Variants in GABRB2 observed in about 807,000 individuals in gnomAD.
The protein encoded by GABRB2 is gamma-aminobutyric acid type A receptor subunit beta2.
GABRB2 carries 16 observed loss-of-function variants against 54.7 expected under a neutral mutation model. The observed-to-expected ratio is 0.29, with a 90% CI of 0.20 to 0.44. The LOEUF (loss-of-function observed/expected upper bound fraction) is 0.44, where lower values mean the gene tolerates loss of function less well. Ranked by LOEUF, GABRB2 falls within the 20% of genes least tolerant of loss-of-function variation. The pLI, the probability that GABRB2 is intolerant of heterozygous loss-of-function variation, is 1.00. For missense variants in GABRB2, 355 were observed against 644.0 expected, an observed-to-expected ratio of 0.55 and a Z score of 4.86; for synonymous variants, 244 against 233.8, an observed-to-expected ratio of 1.04 and a Z score of -0.40.
chr5:161,405,868 T>C (rs1756335784), intron 5 of GABRB2, among the ~76,000 whole-genome samples: 1 of 152,008 alleles, frequency 6.6e-6, no homozygotes, highest in Non-Finnish European at 1.5e-5. Flanking sequence ...TGATTTAGAA[T>C]AAAATTGTTG....
chr5:161,354,456 T>A (rs1754559165), intron 5 of GABRB2, among the ~76,000 whole-genome samples: 1 of 151,996 alleles, frequency 6.6e-6, no homozygotes, highest in Non-Finnish European at 1.5e-5. Flanking sequence ...CACAACCGCA[T>A]CCCAAAAGAA....
At chr5:161,361,963 G>T (rs1223728377) in intron 5 of GABRB2, among the ~76,000 whole-genome samples, 1 of 152,162 alleles carries the variant, frequency 6.6e-6, no homozygotes, top group Non-Finnish European at 1.5e-5. Context: ...TAAGGTGTAA[G>T]GTAGGGGTCC....
At chr5:161,372,800 C>T (rs993242502) in intron 5 of GABRB2, among the ~76,000 whole-genome samples, 3 of 151,966 alleles carry the variant, frequency 2.0e-5, no homozygotes, top group Admixed American at 2.0e-4. Flanking sequence ...ATTAAAGGAC[C>T]AGTTATGAAA....
intron 4 of GABRB2, among the ~76,000 whole-genome samples, chr5:161,453,344 G>A (rs1385074991): frequency 1.3e-5 from 2 of 152,202 alleles, no homozygotes; most frequent in Admixed American, 1.3e-4. Context: ...TCTTGTGATT[G>A]TCTGTGTCCC....
rs1213931031 is a variant in GABRB2, at chr5:161,290,626, GTATGTT to G, written c.*3449_*3454del. 2 of 152,504 alleles carry G rather than the reference GTATGTT, an allele frequency of 1.3e-5. No homozygotes were observed. The highest frequency in any genetic ancestry group is 2.4e-5 in the African/African-American group (1 of 41,426). 9.4% of individuals were successfully genotyped at this position (152,504 alleles called of 1,614,324 possible). On this transcript the variant is annotated 3_prime_UTR_variant, in exon 10 of 10. Coordinates refer to ENST00000393959, the MANE Select transcript of GABRB2 (RefSeq NM_001371727.1). ...AACATATGAATGCATATATATGTAT[GTATGTT>G]TATATGAATCTATATATACACATAT...
intron 3 of GABRB2, among the ~76,000 whole-genome samples, chr5:161,472,668 C>A (rs559415376): frequency 6.6e-6 from 1 of 151,818 alleles, no homozygotes; most frequent in Non-Finnish European, 1.5e-5. Context: ...TAAAGCATCC[C>A]TAGTTTTGGC....
At chr5:161,374,250 T>C (rs1755219299) in intron 5 of GABRB2, among the ~76,000 whole-genome samples, 1 of 152,166 alleles carries the variant, frequency 6.6e-6, no homozygotes, top group South Asian at 2.1e-4. Context: ...GGCCCCAGTC[T>C]TCTCTTTTGA....
intron 5 of GABRB2, among the ~76,000 whole-genome samples, chr5:161,384,808 T>A (rs1424649036): frequency 6.6e-6 from 1 of 152,188 alleles, no homozygotes; most frequent in Non-Finnish European, 1.5e-5. Context: ...GCTTTCCTTA[T>A]ATAGGTATAT....
rs578079948 is a variant in GABRB2, at chr5:161,476,675, G to A, written c.238-16831C>T. Among the ~76,000 whole-genome samples, 9 of 151,894 alleles carry A rather than the reference G, an allele frequency of 5.9e-5. No individual in the cohort carries two copies. The South Asian group carries it at 1.9e-3, about 31-fold the overall frequency. Reference sequence around the variant, plus strand: ...AAATGCTCTTAAGCAAGGGTGCCAAGACTACCCAATAAAGATGAGACAGTG... The same window carrying A: ...AAATGCTCTTAAGCAAGGGTGCCAAAACTACCCAATAAAGATGAGACAGTG... On this transcript the variant is annotated intron_variant, in intron 3 of 9. Transcript: ENST00000393959.
intron 4 of GABRB2, among the ~76,000 whole-genome samples, chr5:161,418,248 A>G (rs1288394191): frequency 6.6e-6 from 1 of 152,206 alleles, no homozygotes; most frequent in African/African-American, 2.4e-5. Context: ...ATAGATATAG[A>G]TACATCAGCC....
intron 5 of GABRB2, among the ~76,000 whole-genome samples, chr5:161,351,127 T>A (rs113089491): frequency 0.024 from 3,664 of 152,198 alleles, 148 homozygotes; most frequent in African/African-American, 0.082. Context: ...TATTAAAATG[T>A]TCATATTACA....
intron 3 of GABRB2, among the ~76,000 whole-genome samples, chr5:161,474,345 A>G (rs1238117420): frequency 1.3e-5 from 2 of 151,784 alleles, no homozygotes; most frequent in African/African-American, 2.4e-5. Context: ...TCAGAAATTG[A>G]CTCATTACAA....
intron 4 of GABRB2, among the ~76,000 whole-genome samples, chr5:161,411,545 A>G (rs187011605): frequency 5.4e-4 from 83 of 152,320 alleles, no homozygotes; most frequent in Admixed American, 1.4e-3. Flanking sequence ...GTGCTTTAAT[A>G]TAACACACAA....
At chr5:161,409,554 T>G (rs1204164227) in intron 5 of GABRB2, among the ~76,000 whole-genome samples, 2 of 152,248 alleles carry the variant, frequency 1.3e-5, no homozygotes, top group South Asian at 4.1e-4. Context: ...CTGTGATTAT[T>G]TGATATCCCA....
intron 3 of GABRB2, among the ~76,000 whole-genome samples, chr5:161,518,653 T>C (rs545049802): frequency 6.6e-6 from 1 of 152,330 alleles, no homozygotes; most frequent in South Asian, 2.1e-4. Flanking sequence ...GCATCCTGCA[T>C]AAGTCAAAGA....
At chr5:161,307,107 G>C (rs549167739) in intron 9 of GABRB2, among the ~76,000 whole-genome samples, 1 of 152,256 alleles carries the variant, frequency 6.6e-6, no homozygotes, top group African/African-American at 2.4e-5. Context: ...ATATAATTGA[G>C]AGGAGGATGA....
intron 3 of GABRB2, among the ~76,000 whole-genome samples, chr5:161,498,936 C>T (rs1759340219): frequency 6.6e-6 from 1 of 152,304 alleles, no homozygotes; most frequent in African/African-American, 2.4e-5. Flanking sequence ...GCTAAACCGT[C>T]ACAGCTACGC....
At chr5:161,342,516 A>G (rs1261153423) in intron 5 of GABRB2, among the ~76,000 whole-genome samples, 1 of 152,102 alleles carries the variant, frequency 6.6e-6, no homozygotes, top group Admixed American at 6.6e-5. Context: ...AACATTTAAA[A>G]CAGTAGTTTA....
intron 4 of GABRB2, among the ~76,000 whole-genome samples, chr5:161,454,897 T>A (rs1484233764): frequency 6.6e-6 from 1 of 152,214 alleles, no homozygotes; most frequent in Non-Finnish European, 1.5e-5. Context: ...ATTAGAAATC[T>A]GTTCCCAGAG....
Sources: gnomAD v4.1 joint callset for allele counts (sites outside exome capture counted in the v4.1 genomes callset) on GRCh38, gnomAD v4.1.1 for gene constraint, MANE v1.5 for transcripts, NCBI Gene and HGNC (gene_info 2026-07-23, HGNC 2026-07-21) for gene names.